The following PSD3 variants were observed in gnomAD, a reference collection of about 807,000 sequenced individuals.
PSD3 encodes pleckstrin and Sec7 domain containing 3.
PSD3 carries 49 observed loss-of-function variants against 105.5 expected under a neutral mutation model. That is an observed-to-expected ratio of 0.46 (90% CI 0.37 to 0.59). PSD3 has a LOEUF of 0.59. Among genes scored for constraint, PSD3 ranks in the 20% least tolerant of loss-of-function variants. The probability of loss-of-function intolerance (pLI) is 0.00; values close to 1 mark genes in which losing one functional copy is unlikely to be tolerated. For synonymous variants in PSD3, 557 were observed against 457.8 expected (o/e 1.22, Z -2.77); for missense variants, 1,561 against 1,263.8 (o/e 1.24, Z -3.57).
intron 2 of PSD3, among the ~76,000 whole-genome samples, chr8:18,877,857 G>T: frequency 6.6e-6 from 1 of 152,114 alleles, no homozygotes; most frequent in East Asian, 1.9e-4. Context: ...CTATCTTTAT[G>T]CCAGAATAAC....
chr8:18,561,781 T>C (rs531312244), intron 14 of PSD3, among the ~76,000 whole-genome samples: 64 of 152,316 alleles, frequency 4.2e-4, no homozygotes, highest in African/African-American at 1.5e-3. Flanking sequence ...TAAGCTCTAA[T>C]GTCATCTCTA....
intron 11 of PSD3, among the ~76,000 whole-genome samples, chr8:18,626,582 C>A (rs996317431): frequency 6.6e-6 from 1 of 151,974 alleles, no homozygotes; most frequent in African/African-American, 2.4e-5. Context: ...TCATTTTTTT[C>A]TGTGTAGTGT....
intron 2 of PSD3, among the ~76,000 whole-genome samples, chr8:18,926,392 T>G (rs890100024): frequency 2.0e-5 from 3 of 151,880 alleles, no homozygotes; most frequent in Non-Finnish European, 4.4e-5. Flanking sequence ...ATCCTCAAGA[T>G]ATCTCATTAT....
At chr8:18,919,501 T>C (rs887655940) in intron 2 of PSD3, among the ~76,000 whole-genome samples, 10 of 149,988 alleles carry the variant, frequency 6.7e-5, no homozygotes, top group Non-Finnish European at 5.9e-5. Context: ...ATTACTGGAG[T>C]GAGGTTCAAG....
At chr8:18,758,414 C>CT (rs143280710) in intron 9 of PSD3, among the ~76,000 whole-genome samples, 31,080 of 135,060 alleles carry the variant, frequency 0.23, 5,126 homozygotes, top group African/African-American at 0.47. Context: ...CAGTTTTACT[C>CT]TTTTTTTTTT....
intron 11 of PSD3, among the ~76,000 whole-genome samples, chr8:18,619,677 A>G (rs775923026): frequency 3.3e-5 from 5 of 151,694 alleles, no homozygotes; most frequent in African/African-American, 7.3e-5. Flanking sequence ...CCGTGTGGCC[A>G]TGTGAGGCAA....
intron 2 of PSD3, among the ~76,000 whole-genome samples, chr8:18,902,713 T>TGGTTGGAAACA (rs1819587009): frequency 2.6e-5 from 4 of 152,194 alleles, no homozygotes; most frequent in Admixed American, 2.0e-4. Flanking sequence ...TTGGAAAGAA[T>TGGTTGGAAACA]GTGGTAACTG....
chr8:18,935,145 T>G (rs1223625040), intron 2 of PSD3, among the ~76,000 whole-genome samples: 1 of 152,220 alleles, frequency 6.6e-6, no homozygotes, highest in African/African-American at 2.4e-5. Flanking sequence ...AGTAATCTAG[T>G]AGGTTAATTA....
intron 4 of PSD3, among the ~76,000 whole-genome samples, chr8:18,811,598 G>A (rs1366867195): frequency 6.6e-6 from 1 of 152,192 alleles, no homozygotes; most frequent in Non-Finnish European, 1.5e-5. Flanking sequence ...CTACGAAGTG[G>A]TCATGGTAGG....
intron 4 of PSD3, among the ~76,000 whole-genome samples, chr8:18,806,538 AAC>A (rs1250140964): frequency 1.3e-5 from 2 of 152,242 alleles, no homozygotes; most frequent in Admixed American, 1.3e-4. Context: ...ACGGCCTTCG[AAC>A]ACACTTACCA....
chr8:18,754,813 C>A (rs907257179), intron 9 of PSD3, among the ~76,000 whole-genome samples: 1 of 152,048 alleles, frequency 6.6e-6, no homozygotes, highest in Non-Finnish European at 1.5e-5. Flanking sequence ...TAACAACACA[C>A]TGTTTTCCTT....
chr8:18,782,799 G>T (rs940247754), intron 8 of PSD3, among the ~76,000 whole-genome samples: 10 of 152,206 alleles, frequency 6.6e-5, no homozygotes, highest in African/African-American at 2.4e-4. Flanking sequence ...GCAGTTAGGG[G>T]TACAAAGGGC....
intron 9 of PSD3, among the ~76,000 whole-genome samples, chr8:18,682,465 C>T (rs908776442): frequency 3.2e-4 from 49 of 152,180 alleles, no homozygotes; most frequent in Admixed American, 3.2e-3. Context: ...TCTCATAACA[C>T]TTTCAGTAGA....
Position 18,575,142 on chromosome 8 carries a change from C to G in PSD3, c.2625G>C (p.Leu875Phe), listed in dbSNP as rs1383161498. ...ACAAAACATACTGAGTTTGAAAAAG[C>G]AAGACCCTCCAGTCGGCAGTTTTAA... ...FKLKTADWRV[L>F]LFQTQSPEEM... The change falls in exon 13 of 16, where the codon TTG becomes TTC. Residue 875 changes from leucine to phenylalanine, a missense_variant. Transcript: ENST00000327040. 1 of 1,612,180 alleles carries G rather than the reference C, an allele frequency of 6.2e-7. No individual in the cohort carries two copies. The highest frequency in any genetic ancestry group is 8.5e-7 in the Non-Finnish European group (1 of 1,179,324).
At chr8:18,593,590 G>C (rs1239011959) in intron 12 of PSD3, among the ~76,000 whole-genome samples, 1 of 152,084 alleles carries the variant, frequency 6.6e-6, no homozygotes, top group Non-Finnish European at 1.5e-5. Flanking sequence ...TCTAGAACTA[G>C]AAATACCATT....
chr8:18,947,595 C>T (rs980603536), intron 1 of PSD3, among the ~76,000 whole-genome samples: 4 of 152,156 alleles, frequency 2.6e-5, no homozygotes, highest in South Asian at 4.1e-4. Context: ...CGCAGTGGCA[C>T]GAGCTGGCTT....
At chr8:18,905,110 C>T (rs934559407) in intron 2 of PSD3, among the ~76,000 whole-genome samples, 3 of 152,160 alleles carry the variant, frequency 2.0e-5, no homozygotes, top group Non-Finnish European at 4.4e-5. Flanking sequence ...ATAGCCAGGA[C>T]TAGAAGCTGG....
chr8:18,774,952 C>A (rs1036350787), intron 8 of PSD3: 2 of 456,024 alleles, frequency 4.4e-6, no homozygotes, highest in African/African-American at 4.0e-5. Context: ...CCAAATGCCC[C>A]GAGGGAAAGA....
At chr8:18,928,125 C>G (rs1023742866) in intron 2 of PSD3, among the ~76,000 whole-genome samples, 1 of 152,318 alleles carries the variant, frequency 6.6e-6, no homozygotes, top group East Asian at 1.9e-4. Context: ...TGTCTCCACC[C>G]AAATCTCACC....
Sources: gnomAD v4.1 joint callset for allele counts (sites outside exome capture counted in the v4.1 genomes callset) on GRCh38, gnomAD v4.1.1 for gene constraint, MANE v1.5 for transcripts, NCBI Gene and HGNC (gene_info 2026-07-23, HGNC 2026-07-21) for gene names.